The following SAMD11 variants were observed in gnomAD, a reference collection of about 807,000 sequenced individuals.
SAMD11 encodes sterile alpha motif domain-containing protein 11.
SAMD11 carries 77 observed loss-of-function variants against 64.4 expected under a neutral mutation model. The observed-to-expected ratio is 1.20, with a 90% CI of 0.99 to 1.44. The LOEUF (loss-of-function observed/expected upper bound fraction) is 1.44. Among genes scored for constraint, SAMD11 ranks in the 40% most tolerant of loss-of-function variants. The pLI is 0.00. For missense variants in SAMD11, 1,402 were observed against 943.3 expected (o/e 1.49, Z -6.37); for synonymous variants, 658 against 421.9 (o/e 1.56, Z -6.86).
In SAMD11 at chr1:939,317, C is replaced by G. The variant is rs199789235; in HGVS notation, c.1100C>G (p.Pro367Arg). ...LPRELGPSMA[P>R]EDHYRRLVSA... ...CGGGAGCTGGGGCCCAGCATGGCCC[C>G]GGAGGACCATTACCGCCGGCTTGTG... Residue 367 changes from proline (P) to arginine (R), a missense_variant, in exon 7 of 14, where the codon CCG becomes CGG. By Grantham distance (103) the Pro-to-Arg change is moderately radical. Coordinates refer to ENST00000616016, the MANE Select transcript of SAMD11 (RefSeq NM_001385641.1). 46 of 1,611,308 alleles carry G rather than the reference C, an allele frequency of 2.9e-5. No individual in the cohort carries two copies. The East Asian group carries it at 6.9e-4, about 24-fold the overall frequency.
Position 942,607 on chromosome 1 carries a change from GC to G in SAMD11, c.1603del (p.Arg535AlafsTer29), listed in dbSNP as rs1176844015. ...LLRQKELESA[R>X]PQLLAPETAL... ...TGCGGCAGAAGGAGCTGGAGAGCGC[GC>G]GCCCACAGCTGCTGGCGCCCGAGAC... On this transcript the variant is annotated frameshift_variant, in exon 11 of 14. Transcript: ENST00000616016. LOFTEE classifies it high-confidence loss of function. 1 of 1,435,756 alleles carries G rather than the reference GC, an allele frequency of 7.0e-7. No homozygotes were observed. Among genetic ancestry groups the G allele is most frequent in the East Asian group, 3.1e-5 (1 of 32,682 alleles). The allele number at this position is 1,435,756 out of a possible 1,614,324, so 88.9% of individuals were successfully genotyped here.
At chr1:936,030 A>G in intron 5 of SAMD11, 134 bp downstream of exon 5, 1 of 917,604 alleles carries the variant, frequency 1.1e-6, no homozygotes, top group Non-Finnish European at 1.6e-6. Flanking sequence ...CAGGGGCTGC[A>G]TGGGATGGTA....
At chr1:930,917 C>T (rs942073850) in intron 3 of SAMD11, 122 bp from the exon 4 acceptor site, 22 of 948,018 alleles carry the variant, frequency 2.3e-5, no homozygotes, top group Non-Finnish European at 3.5e-5. Flanking sequence ...CCCTCGTTCA[C>T]TGCCCAGGGC....
intron 12 of SAMD11, 149 bp downstream of exon 12, chr1:943,526 C>CGTTTTTT (rs1641948754): frequency 4.4e-6 from 2 of 451,900 alleles, no homozygotes; most frequent in Admixed American, 1.0e-4. Flanking sequence ...TGCACCCCAC[C>CGTTTTTT]TTTTTTTTTT....
intron 5 of SAMD11, among the ~76,000 whole-genome samples, chr1:938,075 G>A (rs1312789888): frequency 6.6e-6 from 1 of 152,024 alleles, no homozygotes; most frequent in African/African-American, 2.4e-5. Context: ...CAGAGTCGGA[G>A]GCACTGGCTG....
rs79037098 is a variant in SAMD11, at chr1:942,402, C to A, written c.1475-8C>A. The A allele has an allele frequency of 2.0e-5, 29 of 1,463,150 alleles. No individual in the cohort carries two copies. In the African/African-American group the frequency reaches 4.3e-4, roughly 21 times the overall value. 90.6% of individuals were successfully genotyped at this position (1,463,150 alleles called of 1,614,324 possible). A position where few individuals can be genotyped will look rare whatever the true frequency, so the allele number is the denominator to read the frequency against. On this transcript the variant is annotated splice_region_variant and splice_polypyrimidine_tract_variant and intron_variant, in intron 9 of 13. Transcript: ENST00000616016. ...CCCCCGACCCCGCGTTGTCCCCCTC[C>A]CCACCAGGCTACGGCTTCCTGCCCC... is the stretch of plus-strand genomic sequence containing the variant.
chr1:940,394 G>C (rs1433732539), intron 7 of SAMD11: 1 of 151,816 alleles, frequency 6.6e-6, no homozygotes, highest in Non-Finnish European at 1.5e-5. Flanking sequence ...GGATCGATGC[G>C]GGCGGCCGCG....
intron 4 of SAMD11, 59 bp from the exon 5 acceptor site, chr1:935,713 G>T (rs1250282082): frequency 6.2e-7 from 1 of 1,607,188 alleles, no homozygotes; most frequent in Non-Finnish European, 8.5e-7. Flanking sequence ...CTGTGCCCAG[G>T]CTGGGCTCCA....
At chr1:941,059 C>A in intron 7 of SAMD11, 85 bp from the exon 8 acceptor site, 2 of 1,293,570 alleles carry the variant, frequency 1.5e-6, no homozygotes, top group South Asian at 1.4e-5. Context: ...GTCAGTTCCC[C>A]ACCTCAGTGT....
chr1:937,510 G>A (rs551666634), intron 5 of SAMD11, among the ~76,000 whole-genome samples: 2 of 152,250 alleles, frequency 1.3e-5, no homozygotes, highest in Admixed American at 1.3e-4. Flanking sequence ...CAGGAGGTGA[G>A]AGGCCTTGCT....
At chr1:926,422 G>C (rs1640894832) in intron 2 of SAMD11, among the ~76,000 whole-genome samples, 1 of 152,208 alleles carries the variant, frequency 6.6e-6, no homozygotes, top group African/African-American at 2.4e-5. Flanking sequence ...ATTCTGGGAC[G>C]ACAGCATTTT....
chr1:944,238 C>CT lies in SAMD11; in HGVS notation c.*88dup, dbSNP rs1557613179. On this transcript the variant is annotated 3_prime_UTR_variant, in exon 14 of 14. Transcript: ENST00000616016. ...GGCCCTGCCTCCCACCGCTTTATTT[C>CT]TTTCGGTTTCGGATGCAAAACAAAA... 3 of 1,455,458 alleles carry CT rather than the reference C, an allele frequency of 2.1e-6. No individual in the cohort carries two copies. Among genetic ancestry groups the CT allele is most frequent in the Non-Finnish European group, 2.7e-6 (3 of 1,105,030 alleles). The allele number at this position is 1,455,458 out of a possible 1,614,324, so 90.2% of individuals were successfully genotyped here.
chr1:941,648 C>T (rs975714415), intron 8 of SAMD11, among the ~76,000 whole-genome samples: 15 of 152,104 alleles, frequency 9.9e-5, no homozygotes, highest in South Asian at 4.1e-4. Flanking sequence ...CAAATGTAGA[C>T]GCCGGCGCCG....
chr1:939,578 C>A, intron 7 of SAMD11, 166 bp downstream of exon 7: 1 of 356,842 alleles, frequency 2.8e-6, no homozygotes, highest in Non-Finnish European at 4.2e-6. Context: ...GGTCCCTCTG[C>A]CACACGTCCT....
chr1:929,227 C>T (rs943381463), intron 2 of SAMD11, among the ~76,000 whole-genome samples: 9 of 152,204 alleles, frequency 5.9e-5, no homozygotes, highest in Non-Finnish European at 7.3e-5. Context: ...TGCGTCAGCT[C>T]GGGGCTCGGC....
chr1:940,461 G>C (rs1039639196), intron 7 of SAMD11: 1 of 152,092 alleles, frequency 6.6e-6, no homozygotes, highest in Non-Finnish European at 1.5e-5. Flanking sequence ...CTCCGCTTTC[G>C]GGTAATTAAT....
At chr1:942,315 C>T (rs985585983) in intron 9 of SAMD11, 64 bp downstream of exon 9, 8 of 1,064,372 alleles carry the variant, frequency 7.5e-6, no homozygotes, top group South Asian at 6.0e-5. Context: ...GGCCCTGCCC[C>T]TGTCGGAGCC....
rs1411261359 is a variant in SAMD11 at position 926,004 on chromosome 1, C to T, written c.600C>T (p.Ser200=). The T allele has an allele frequency of 3.7e-6, 6 of 1,611,698 alleles. No homozygotes were observed. The African/African-American group carries it at 4.0e-5, about 11-fold the overall frequency. ...PICDCPGCRI[S]SPVNRGRLAD... is the part of the protein sequence containing the mutation. ...GCGACTGCCCGGGCTGCCGAATATCCTCCCCGGTGGTGAGATGCGGGGCTC... is the reference window on the plus strand; with the variant it reads ...GCGACTGCCCGGGCTGCCGAATATCTTCCCCGGTGGTGAGATGCGGGGCTC... The change falls in exon 2 of 14, where the codon TCC becomes TCT. Residue 200 remains serine (S), a synonymous_variant. Transcript: ENST00000616016.
At chr1:929,031 C>T (rs746777212) in intron 2 of SAMD11, among the ~76,000 whole-genome samples, 1 of 152,216 alleles carries the variant, frequency 6.6e-6, no homozygotes. Flanking sequence ...GCTCTGCCAC[C>T]TCCCGGAGCC....
Sources: allele counts gnomAD v4.1 joint callset (sites outside exome capture counted in the v4.1 genomes callset), GRCh38; gene constraint gnomAD v4.1.1; transcripts MANE v1.5; gene names NCBI Gene and HGNC (gene_info 2026-07-23, HGNC 2026-07-21).